Variants in FRMD4B observed in about 807,000 individuals in gnomAD.
FRMD4B encodes FERM domain-containing protein 4B.
In FRMD4B, 74 loss-of-function variants were observed where a neutral mutation model predicts 141.5. The observed-to-expected ratio is 0.52, with a 90% CI of 0.43 to 0.63. The LOEUF (loss-of-function observed/expected upper bound fraction) is 0.63. Among genes scored for constraint, FRMD4B ranks in the 30% least tolerant of loss-of-function variants. FRMD4B has a pLI of 0.00. For missense variants in FRMD4B, 1,366 were observed against 1,253.4 expected (o/e 1.09, Z -1.36); for synonymous variants, 506 against 467.9 (o/e 1.08, Z -1.05).
intron 1 of FRMD4B, among the ~76,000 whole-genome samples, chr3:69,358,859 G>A (rs1232714348): frequency 6.6e-6 from 1 of 152,208 alleles, no homozygotes; most frequent in African/African-American, 2.4e-5. Flanking sequence ...TAAAAGATAA[G>A]TTCAGCCCAC....
chr3:69,325,045 C>T (rs1319169498), intron 1 of FRMD4B, among the ~76,000 whole-genome samples: 2 of 137,892 alleles, frequency 1.5e-5, no homozygotes, highest in South Asian at 2.3e-4. Context: ...TGCCACTGTA[C>T]TCCAGCCTGG....
chr3:69,407,582 C>T (rs1175295428), intron 2 of FRMD4B, among the ~76,000 whole-genome samples: 1 of 152,168 alleles, frequency 6.6e-6, no homozygotes, highest in Non-Finnish European at 1.5e-5. Context: ...TCAGGGGTTA[C>T]TTATTACACA....
At chr3:69,232,704 C>T (rs74449039) in intron 7 of FRMD4B, among the ~76,000 whole-genome samples, 6,963 of 152,182 alleles carry the variant, frequency 0.046, 165 homozygotes, top group East Asian at 0.073. Context: ...TAATTGTGGG[C>T]TTGTACACAG....
chr3:69,511,053 C>T (rs1706677841), intron 1 of FRMD4B, among the ~76,000 whole-genome samples: 1 of 152,082 alleles, frequency 6.6e-6, no homozygotes, highest in Non-Finnish European at 1.5e-5. Flanking sequence ...CACCATTTTT[C>T]CAAGTATGTT....
Position 69,216,337 on chromosome 3 carries a change from G to T in FRMD4B, c.802C>A (p.Leu268Ile). 1 of 1,548,256 alleles carries T rather than the reference G, an allele frequency of 6.5e-7. No homozygotes were observed. Among genetic ancestry groups the T allele is most frequent in the Non-Finnish European group, 8.8e-7 (1 of 1,132,204 alleles). Residue 268 changes from leucine to isoleucine, a missense_variant, in exon 11 of 23, where the codon CTT becomes ATT. Physicochemically the swap from Leu to Ile is conservative, Grantham distance 5. Transcript: ENST00000398540. ...TAGCTTATTCCAAGCCACCAAGGAA[G>T]TCCTTGCTTATCCTAGAAGATGAAA... ...HYYAVKDKQG[L>I]PWWLGISYKG...
chr3:69,313,580 C>A (rs1208069532), intron 1 of FRMD4B, 63 bp from the exon 2 acceptor site: 5 of 968,168 alleles, frequency 5.2e-6, no homozygotes, highest in Non-Finnish European at 3.2e-6. Context: ...CCTTTGGACT[C>A]GTTGTATCAT....
chr3:69,450,042 T>G (rs1705470861), intron 1 of FRMD4B, among the ~76,000 whole-genome samples: 1 of 151,058 alleles, frequency 6.6e-6, no homozygotes, highest in Non-Finnish European at 1.5e-5. Context: ...ACAAGGTTCC[T>G]CAGCGTCAGT....
chr3:69,325,997 A>G (rs1702177816), intron 1 of FRMD4B, among the ~76,000 whole-genome samples: 1 of 150,544 alleles, frequency 6.6e-6, no homozygotes, highest in Admixed American at 6.6e-5. Context: ...TCTCTCTATC[A>G]CCCAGGCTGG....
At chr3:69,369,935 G>A (rs1355498236) in intron 1 of FRMD4B, among the ~76,000 whole-genome samples, 15 of 151,984 alleles carry the variant, frequency 9.9e-5, no homozygotes, top group Non-Finnish European at 2.2e-4. Flanking sequence ...ATTATTTGAT[G>A]GTGCTAATTA....
chr3:69,224,099 C>G (rs1044086947), intron 8 of FRMD4B, among the ~76,000 whole-genome samples: 1 of 151,798 alleles, frequency 6.6e-6, no homozygotes, highest in Non-Finnish European at 1.5e-5. Flanking sequence ...TAAGGGAAAA[C>G]GTAATTTAGA....
intron 22 of FRMD4B, among the ~76,000 whole-genome samples, chr3:69,175,309 G>A (rs1306739613): frequency 1.3e-5 from 2 of 152,088 alleles, no homozygotes; most frequent in East Asian, 3.8e-4. Context: ...ATCTTTTGTG[G>A]GAAAGTAAAA....
At chr3:69,310,897 C>T (rs1186617048) in intron 3 of FRMD4B, among the ~76,000 whole-genome samples, 1 of 152,094 alleles carries the variant, frequency 6.6e-6, no homozygotes, top group Non-Finnish European at 1.5e-5. Context: ...GCCACCAACA[C>T]CAACACATCC....
intron 2 of FRMD4B, among the ~76,000 whole-genome samples, chr3:69,406,357 G>A (rs1171713714): frequency 6.6e-6 from 1 of 152,176 alleles, no homozygotes. Context: ...AACTGTGCAA[G>A]GCTCTAACGA....
At position 69,349,182 on chromosome 3, in the gene FRMD4B, GACAA is replaced by G. The variant is rs570465965; in HGVS notation, c.163-35669_163-35666del. Among the ~76,000 whole-genome samples the G allele has an allele frequency of 8.8e-3, 1,334 of 152,214 alleles. 23 individuals are homozygous for G. Among genetic ancestry groups the G allele is most frequent in the African/African-American group, 0.029 (1,203 of 41,518 alleles). ...CAAGCATTTTTATACACCAATAACA[GACAA>G]ACAGAGAGCCAAATCATGAGTGAAC... On this transcript the variant is annotated intron_variant, in intron 1 of 22. Transcript: ENST00000398540.
chr3:69,212,393 GA>G (rs1416827018), intron 11 of FRMD4B, among the ~76,000 whole-genome samples: 1 of 77,766 alleles, frequency 1.3e-5, no homozygotes, highest in Non-Finnish European at 2.6e-5. Context: ...AAAAAAAAAA[GA>G]AAAAAAAGAA....
intron 8 of FRMD4B, among the ~76,000 whole-genome samples, chr3:69,223,068 C>T (rs2093212812): frequency 6.6e-6 from 1 of 152,170 alleles, no homozygotes; most frequent in Non-Finnish European, 1.5e-5. Context: ...CTACTATCAC[C>T]ATTTACAGAC....
chr3:69,495,803 T>C (rs146377480), intron 1 of FRMD4B, among the ~76,000 whole-genome samples: 3 of 152,316 alleles, frequency 2.0e-5, no homozygotes, highest in Non-Finnish European at 4.4e-5. Context: ...GAAATGGACA[T>C]ACAATATATT....
intron 1 of FRMD4B, among the ~76,000 whole-genome samples, chr3:69,502,996 T>C (rs1261111875): frequency 4.6e-5 from 7 of 152,150 alleles, no homozygotes; most frequent in East Asian, 1.9e-4. Context: ...CAGCATCTCA[T>C]ACCAGTTAGA....
At chr3:69,310,575 C>T in intron 3 of FRMD4B, 1 of 256,026 alleles carries the variant, frequency 3.9e-6, no homozygotes, top group Non-Finnish European at 7.9e-6. Context: ...CACACACACA[C>T]ACACACAGAG....
Sources: allele counts gnomAD v4.1 joint callset (sites outside exome capture counted in the v4.1 genomes callset), GRCh38; gene constraint gnomAD v4.1.1; transcripts MANE v1.5; gene names NCBI Gene and HGNC (gene_info 2026-07-23, HGNC 2026-07-21).